The following CTCF variants were observed in gnomAD, a reference collection of about 807,000 sequenced individuals.
CTCF encodes the protein transcriptional repressor CTCF.
In CTCF, 7 loss-of-function variants were observed where a neutral mutation model predicts 72.3. The observed-to-expected ratio is 0.10, with a 90% confidence interval of 0.06 to 0.18. The LOEUF is 0.18. Among genes scored for constraint, CTCF ranks in the 10% least tolerant of loss-of-function variants. The probability of loss-of-function intolerance (pLI) is 1.00; values close to 1 mark genes in which losing one functional copy is unlikely to be tolerated. For missense variants in CTCF, 516 were observed against 949.1 expected, an observed-to-expected ratio of 0.54 and a Z score of 6.00; for synonymous variants, 374 against 315.8, an observed-to-expected ratio of 1.18 and a Z score of -1.95.
chr16:67,621,658 A>G (rs1332222023), intron 7 of CTCF, 67 bp downstream of exon 7: 2 of 1,213,448 alleles, frequency 1.6e-6, no homozygotes, highest in East Asian at 5.1e-5. Flanking sequence ...AAATATGGGG[A>G]TCAAAAATAA....
At chr16:67,635,104 C>G (rs1224769404) in intron 10 of CTCF, among the ~76,000 whole-genome samples, 2 of 151,958 alleles carry the variant, frequency 1.3e-5, no homozygotes, top group African/African-American at 4.8e-5. Flanking sequence ...TCACTGCAAC[C>G]TCTGCCTCCT....
intron 3 of CTCF, among the ~76,000 whole-genome samples, 155 bp from the exon 4 acceptor site, chr16:67,611,793 AAAG>A (rs1042404326): frequency 2.0e-5 from 3 of 152,188 alleles, no homozygotes; most frequent in Admixed American, 6.5e-5. Flanking sequence ...TTTTAATCCC[AAAG>A]AAGAAGGAAA....
intron 10 of CTCF, among the ~76,000 whole-genome samples, chr16:67,632,726 A>C (rs1367108904): frequency 1.3e-5 from 2 of 152,248 alleles, no homozygotes; most frequent in Non-Finnish European, 1.5e-5. Flanking sequence ...GGCTTGAAGA[A>C]GTTCAGCAGG....
At position 67,637,729 on chromosome 16, in the gene CTCF, A is replaced by G. The variant is rs1408200557; in HGVS notation, c.2041A>G (p.Ile681Val). The G allele has an allele frequency of 1.9e-6, 3 of 1,613,934 alleles. No homozygotes were observed. The highest frequency in any genetic ancestry group is 8.5e-7 in the Non-Finnish European group (1 of 1,179,980). Residue 681 changes from isoleucine (I) to valine (V), a missense_variant, in exon 12 of 12, where the codon ATT becomes GTT. Physicochemically the swap from Ile to Val is conservative, Grantham distance 29 (BLOSUM62 3). Transcript: ENST00000264010. ...IQVEDQNTGA[I>V]ENIIVEVKKE... ...GGTTGAAGACCAGAATACAGGTGCA[A>G]TTGAGAACATTATAGTTGAAGTAAA...
chr16:67,583,189 T>C (rs1226782225), intron 2 of CTCF, among the ~76,000 whole-genome samples: 1 of 151,744 alleles, frequency 6.6e-6, no homozygotes, highest in Non-Finnish European at 1.5e-5. Context: ...TTTCACCATG[T>C]TGGCCATGCT....
At chr16:67,595,102 A>T (rs1373568103) in intron 2 of CTCF, among the ~76,000 whole-genome samples, 2 of 152,184 alleles carry the variant, frequency 1.3e-5, no homozygotes, top group Non-Finnish European at 2.9e-5. Flanking sequence ...ATCACCAATC[A>T]TGAATTTTTG....
intron 2 of CTCF, among the ~76,000 whole-genome samples, chr16:67,600,217 T>G (rs1366717509): frequency 6.6e-6 from 1 of 152,004 alleles, no homozygotes; most frequent in African/African-American, 2.4e-5. Flanking sequence ...TAAGGACAGA[T>G]ATTTAAATTT....
intron 2 of CTCF, among the ~76,000 whole-genome samples, chr16:67,589,595 T>C (rs140379923): frequency 1.3e-5 from 2 of 152,286 alleles, no homozygotes; most frequent in East Asian, 3.9e-4. Flanking sequence ...AGCTGCTATT[T>C]GTTTTTCTTT....
chr16:67,601,003 G>C (rs1398741698), intron 2 of CTCF, among the ~76,000 whole-genome samples: 1 of 152,100 alleles, frequency 6.6e-6, no homozygotes, highest in Non-Finnish European at 1.5e-5. Flanking sequence ...GGTATGTTTT[G>C]TACTAAGAGG....
chr16:67,601,723 TTTCAGTGA>T (rs1344230154), intron 2 of CTCF, among the ~76,000 whole-genome samples: 1 of 152,166 alleles, frequency 6.6e-6, no homozygotes, highest in African/African-American at 2.4e-5. Context: ...ATGTGTTTTT[TTTCAGTGA>T]GACAGTACTC....
chr16:67,626,326 G>A (rs940561784), intron 7 of CTCF, among the ~76,000 whole-genome samples: 3 of 151,594 alleles, frequency 2.0e-5, no homozygotes, highest in South Asian at 2.1e-4. Flanking sequence ...GGTGGCGGGC[G>A]CCTGTAGTCC....
intron 2 of CTCF, among the ~76,000 whole-genome samples, chr16:67,588,813 A>G (rs931103558): frequency 6.6e-6 from 1 of 152,066 alleles, no homozygotes; most frequent in Non-Finnish European, 1.5e-5. Flanking sequence ...CAGCCTCCCA[A>G]GTAGCTGGGA....
At chr16:67,583,793 A>G (rs1344677890) in intron 2 of CTCF, among the ~76,000 whole-genome samples, 1 of 152,124 alleles carries the variant, frequency 6.6e-6, no homozygotes, top group Non-Finnish European at 1.5e-5. Context: ...TTTCTAGTTT[A>G]AAACATATCC....
intron 3 of CTCF, 98 bp from the exon 4 acceptor site, chr16:67,611,853 T>C (rs1006605602): frequency 1.1e-5 from 13 of 1,160,946 alleles, no homozygotes; most frequent in African/African-American, 6.3e-5. Flanking sequence ...GGTTTTGTTA[T>C]TAAAAGCTAA....
Position 67,638,467 on chromosome 16 carries a change from A to T in CTCF, c.*595A>T. The T allele has an allele frequency of 4.5e-6, 1 of 224,200 alleles. No homozygotes were observed. The allele number at this position is 224,200 out of a possible 1,614,324, so 13.9% of individuals were successfully genotyped here. A position where few individuals can be genotyped will look rare whatever the true frequency, so the allele number is the denominator to read the frequency against. ...ATTTTAATCTTTTCCATTAATTAAG[A>T]GGTTGAAAAGAAGTGCAGTGTAAGA... is the stretch of plus-strand genomic sequence containing the variant. On this transcript the variant is annotated 3_prime_UTR_variant, in exon 12 of 12. Transcript: ENST00000264010.
At chr16:67,592,844 T>C (rs1384594154) in intron 2 of CTCF, among the ~76,000 whole-genome samples, 2 of 151,886 alleles carry the variant, frequency 1.3e-5, no homozygotes, top group Non-Finnish European at 2.9e-5. Flanking sequence ...CTGGCCAACA[T>C]GGTGAAACCC....
At position 67,590,448 on chromosome 16, in the gene CTCF, C is replaced by T. The variant is rs566755358; in HGVS notation, c.-10+19184C>T. Among the ~76,000 whole-genome samples, 7 of 151,956 alleles carry T rather than the reference C, an allele frequency of 4.6e-5. No individual in the cohort carries two copies. The East Asian group carries it at 1.4e-3, about 30-fold the overall frequency. On this transcript the variant is annotated intron_variant, in intron 2 of 11. Coordinates refer to ENST00000264010, the MANE Select transcript of CTCF (RefSeq NM_006565.4). ...ACTTAGAAGAAACATTTTCATTTCC[C>T]TTTTAATTATTTCTACACACACACA...
chr16:67,635,059 G>A (rs1383219189), intron 10 of CTCF, among the ~76,000 whole-genome samples: 2 of 150,354 alleles, frequency 1.3e-5, no homozygotes, highest in African/African-American at 2.5e-5. Flanking sequence ...GTCTTGCTCT[G>A]TTGCCAGGCT....
intron 7 of CTCF, among the ~76,000 whole-genome samples, chr16:67,622,200 C>G (rs1238047328): frequency 6.6e-6 from 1 of 151,834 alleles, no homozygotes; most frequent in Non-Finnish European, 1.5e-5. Context: ...ACTAAAAATA[C>G]AAAAAATTAA....
Sources: gnomAD v4.1 joint callset for allele counts (sites outside exome capture counted in the v4.1 genomes callset) on GRCh38, gnomAD v4.1.1 for gene constraint, MANE v1.5 for transcripts, NCBI Gene and HGNC (gene_info 2026-07-23, HGNC 2026-07-21) for gene names.